The following R3HDM2 variants were observed in gnomAD, a reference collection of about 807,000 sequenced individuals.
R3HDM2 encodes R3H domain containing 2.
A neutral mutation model predicts 124.5 loss-of-function variants in R3HDM2; 38 were observed. The observed-to-expected ratio is 0.31, with a 90% CI of 0.24 to 0.40. The LOEUF is 0.40. R3HDM2 is among the 10% of genes least tolerant of loss of function. R3HDM2 has a pLI of 1.00. For synonymous variants in R3HDM2, 391 were observed against 448.0 expected (o/e 0.87, Z 1.61); for missense variants, 869 against 1,236.9 (o/e 0.70, Z 4.46).
intron 14 of R3HDM2, among the ~76,000 whole-genome samples, chr12:57,273,514 A>G (rs1422403669): frequency 6.6e-6 from 1 of 152,242 alleles, no homozygotes; most frequent in Non-Finnish European, 1.5e-5. Context: ...ATCTTATTAC[A>G]TACATTGTCT....
At chr12:57,298,030 G>C in intron 7 of R3HDM2, 60 bp downstream of exon 7, 1 of 1,243,916 alleles carries the variant, frequency 8.0e-7, no homozygotes, top group Non-Finnish European at 1.2e-6. Flanking sequence ...AAGCCGTTTG[G>C]CCTCTTGGAA....
chr12:57,342,671 T>A (rs2137004721), intron 2 of R3HDM2, among the ~76,000 whole-genome samples: 1 of 152,344 alleles, frequency 6.6e-6, no homozygotes, highest in Non-Finnish European at 1.5e-5. Flanking sequence ...AATAGTCTCT[T>A]TAGTGAATAA....
chr12:57,296,554 G>A lies in R3HDM2; in HGVS notation c.561-3C>T, dbSNP rs1360041843. 1.9e-6 allele frequency: 3 copies of A among 1,548,464 alleles called. No homozygotes were observed. The highest frequency in any genetic ancestry group is 2.4e-5 in the East Asian group (1 of 40,878). Reference sequence around the variant, plus strand: ...GAGGGAACTTCTTGAACTGATTACTGAAGGGAAACCCGGGGAAAAAAAGTG... The same window carrying A: ...GAGGGAACTTCTTGAACTGATTACTAAAGGGAAACCCGGGGAAAAAAAGTG... On this transcript the variant is annotated splice_region_variant and splice_polypyrimidine_tract_variant and intron_variant, in intron 8 of 23. Coordinates refer to ENST00000402412, the MANE Select transcript of R3HDM2 (RefSeq NM_001394031.1). The surrounding 1 kb of genome is among the most constrained non-coding windows in gnomAD (Gnocchi z 4.5).
At chr12:57,325,732 G>A (rs2057221393) in intron 2 of R3HDM2, among the ~76,000 whole-genome samples, 1 of 148,786 alleles carries the variant, frequency 6.7e-6, no homozygotes, top group South Asian at 2.1e-4. Flanking sequence ...TTTTTTGGTA[G>A]AGATGGGGGT....
chr12:57,336,584 G>A (rs2058872385), intron 2 of R3HDM2, among the ~76,000 whole-genome samples: 1 of 152,138 alleles, frequency 6.6e-6, no homozygotes, highest in Non-Finnish European at 1.5e-5. Context: ...AATACCGCAT[G>A]TTATCACTTA....
At chr12:57,368,812 G>C (rs896684094) in intron 2 of R3HDM2, among the ~76,000 whole-genome samples, 7 of 152,128 alleles carry the variant, frequency 4.6e-5, no homozygotes, top group African/African-American at 1.7e-4. Context: ...GCTTTAGTGA[G>C]TTCTGTGAGT....
chr12:57,269,452 A>G lies in R3HDM2; in HGVS notation c.1588-3T>C, dbSNP rs757788830. ...GGGGGATAGTAAGAAACCTGGATCT[A>G]TGGTGAGAGGAGACAGATGTGTGAG... On this transcript the variant is annotated splice_polypyrimidine_tract_variant and splice_region_variant and intron_variant, in intron 15 of 23. Transcript: ENST00000402412. The G allele has an allele frequency of 1.9e-6, 3 of 1,614,064 alleles. No homozygotes were observed.
chr12:57,361,599 AC>A (rs1287785758), intron 2 of R3HDM2, among the ~76,000 whole-genome samples: 1 of 151,658 alleles, frequency 6.6e-6, no homozygotes, highest in Non-Finnish European at 1.5e-5. Context: ...CAGGAGAACC[AC>A]TTGAGCCCAG....
At chr12:57,319,182 G>A (rs1347055488) in intron 2 of R3HDM2, among the ~76,000 whole-genome samples, 3 of 151,950 alleles carry the variant, frequency 2.0e-5, no homozygotes, top group Admixed American at 1.3e-4. Context: ...CGCCTCTCGG[G>A]TTCAAGCAAT....
chr12:57,295,036 C>T (rs568413127), intron 10 of R3HDM2, among the ~76,000 whole-genome samples: 1 of 152,186 alleles, frequency 6.6e-6, no homozygotes, highest in Non-Finnish European at 1.5e-5. Flanking sequence ...CAAAGAAATC[C>T]CTAACTATTA....
At position 57,297,198 on chromosome 12, in the gene R3HDM2, T is replaced by A. The variant is rs568157015; in HGVS notation, c.560+130A>T. The A allele has an allele frequency of 6.8e-5, 40 of 584,120 alleles. No homozygotes were observed. The African/African-American group carries it at 6.9e-4, about 10-fold the overall frequency. The allele number at this position is 584,120 out of a possible 1,614,324, so 36.2% of individuals were successfully genotyped here. A position where few individuals can be genotyped will look rare whatever the true frequency, so the allele number is the denominator to read the frequency against. ...AATTATTTTTCAACTCAAATCTACA[T>A]AATAACTTAAAAACTTCAGTATGTT... is the stretch of plus-strand genomic sequence containing the variant. On this transcript the variant is annotated intron_variant, in intron 8 of 23. Transcript: ENST00000402412.
intron 2 of R3HDM2, among the ~76,000 whole-genome samples, chr12:57,360,047 A>ATATATT (rs1566328941): frequency 1.8e-5 from 2 of 113,354 alleles, no homozygotes; most frequent in South Asian, 2.9e-4. Context: ...ATATATATAT[A>ATATATT]TTTTTTTTTT....
intron 6 of R3HDM2, 88 bp from the exon 7 acceptor site, chr12:57,298,256 G>T: frequency 2.0e-6 from 2 of 1,021,302 alleles, no homozygotes; most frequent in Non-Finnish European, 2.9e-6. Flanking sequence ...AACCTAACCA[G>T]GAGAAAAAAG....
chr12:57,382,892 C>CG (rs1566427359), intron 2 of R3HDM2, among the ~76,000 whole-genome samples: 1 of 151,896 alleles, frequency 6.6e-6, no homozygotes, highest in South Asian at 2.1e-4. Flanking sequence ...TTTATTGAGA[C>CG]GGAGTCTCGC....
chr12:57,262,218 A>C (rs995114573), intron 19 of R3HDM2, among the ~76,000 whole-genome samples: 1 of 152,148 alleles, frequency 6.6e-6, no homozygotes, highest in Non-Finnish European at 1.5e-5. Context: ...GGATATCTTC[A>C]CTAAATGGAA....
At chr12:57,270,758 G>C (rs371769787) in intron 14 of R3HDM2, among the ~76,000 whole-genome samples, 3 of 151,736 alleles carry the variant, frequency 2.0e-5, no homozygotes, top group Admixed American at 2.0e-4. Context: ...TAGTAGAGAC[G>C]GGATTTCACC....
intron 1 of R3HDM2, among the ~76,000 whole-genome samples, chr12:57,413,528 G>A (rs1295514864): frequency 6.6e-6 from 1 of 151,512 alleles, no homozygotes; most frequent in Non-Finnish European, 1.5e-5. Flanking sequence ...TTGAAGTCAG[G>A]AGATCAAGAC....
chr12:57,409,542 A>G (rs1017361537), intron 1 of R3HDM2, among the ~76,000 whole-genome samples: 1 of 151,720 alleles, frequency 6.6e-6, no homozygotes, highest in African/African-American at 2.4e-5. Context: ...GAAAAAAAAA[A>G]TTGGCTGCAA....
intron 2 of R3HDM2, among the ~76,000 whole-genome samples, chr12:57,329,232 G>A (rs759411809): frequency 1.4e-4 from 22 of 152,118 alleles, no homozygotes; most frequent in Non-Finnish European, 2.9e-4. Flanking sequence ...GGAGAAAGAC[G>A]AGCGTCATTA....
Sources: allele counts gnomAD v4.1 joint callset (sites outside exome capture counted in the v4.1 genomes callset), GRCh38; gene constraint gnomAD v4.1.1; non-coding constraint Gnocchi (gnomAD v3.1); transcripts MANE v1.5; gene names NCBI Gene and HGNC (gene_info 2026-07-23, HGNC 2026-07-21).